LRRTM4: variants seen among roughly 807,000 people sequenced by gnomAD.
LRRTM4 encodes the protein leucine-rich repeat transmembrane neuronal protein 4.
Under a neutral mutation model 47.6 loss-of-function variants are expected in LRRTM4, and 25 were observed. That is an observed-to-expected ratio of 0.53 (90% CI 0.38 to 0.73). LRRTM4 has a LOEUF of 0.73. LRRTM4 is among the 30% of genes least tolerant of loss of function. The pLI, the probability that LRRTM4 is intolerant of heterozygous loss-of-function variation, is 0.00. For missense variants in LRRTM4, 638 were observed against 713.4 expected (o/e 0.89, Z 1.20); for synonymous variants, 311 against 269.5 (o/e 1.15, Z -1.51).
intron 3 of LRRTM4, among the ~76,000 whole-genome samples, chr2:76,961,321 C>T (rs1383803460): frequency 6.6e-6 from 1 of 151,034 alleles, no homozygotes; most frequent in Non-Finnish European, 1.5e-5. Context: ...TTATAATTCC[C>T]AACTGTTACA....
chr2:76,798,262 A>C (rs1478358993), intron 3 of LRRTM4, among the ~76,000 whole-genome samples: 1 of 152,204 alleles, frequency 6.6e-6, no homozygotes, highest in Non-Finnish European at 1.5e-5. Flanking sequence ...CTCAGACCAC[A>C]GTGCAATTAA....
intron 3 of LRRTM4, among the ~76,000 whole-genome samples, chr2:77,290,529 T>C (rs1050403399): frequency 6.6e-6 from 1 of 151,944 alleles, no homozygotes; most frequent in African/African-American, 2.4e-5. Context: ...TTATTGTATA[T>C]ATCAAAATAA....
intron 3 of LRRTM4, among the ~76,000 whole-genome samples, chr2:77,513,699 G>C (rs1679104588): frequency 6.6e-6 from 1 of 151,998 alleles, no homozygotes; most frequent in Non-Finnish European, 1.5e-5. Flanking sequence ...CCTAGTAACT[G>C]AGATTATAGC....
At chr2:76,961,394 T>C (rs1232971207) in intron 3 of LRRTM4, among the ~76,000 whole-genome samples, 4 of 149,314 alleles carry the variant, frequency 2.7e-5, no homozygotes, top group Non-Finnish European at 5.9e-5. Context: ...CCAATATTTT[T>C]ATACATCAAA....
chr2:77,081,324 C>A (rs952647851), intron 3 of LRRTM4, among the ~76,000 whole-genome samples: 28 of 149,232 alleles, frequency 1.9e-4, no homozygotes, highest in Admixed American at 9.4e-4. Flanking sequence ...AAATGTTTAA[C>A]CTTTAAAAGT....
intron 3 of LRRTM4, among the ~76,000 whole-genome samples, chr2:76,782,438 C>T (rs778189513): frequency 2.0e-5 from 3 of 152,136 alleles, no homozygotes; most frequent in East Asian, 3.8e-4. Context: ...TTAAGGTTTA[C>T]GATATTGCAC....
intron 3 of LRRTM4, among the ~76,000 whole-genome samples, chr2:77,095,467 CATT>C (rs960260289): frequency 2.0e-5 from 3 of 150,864 alleles, no homozygotes; most frequent in Admixed American, 6.6e-5. Context: ...TTCATGGTAA[CATT>C]ATTCATAATA....
intron 3 of LRRTM4, among the ~76,000 whole-genome samples, chr2:76,929,784 AAAT>A (rs1272726691): frequency 6.6e-6 from 1 of 152,180 alleles, no homozygotes; most frequent in African/African-American, 2.4e-5. Context: ...TCTGATTAAA[AAAT>A]AATGTTTCAA....
intron 3 of LRRTM4, among the ~76,000 whole-genome samples, chr2:76,906,414 G>A (rs533516573): frequency 6.4e-4 from 98 of 152,014 alleles, no homozygotes; most frequent in Non-Finnish European, 5.7e-4. Context: ...AAAGACCATC[G>A]AGACTAGGAA....
chr2:76,956,237 T>G (rs1675671167), intron 3 of LRRTM4, among the ~76,000 whole-genome samples: 1 of 151,696 alleles, frequency 6.6e-6, no homozygotes, highest in Admixed American at 6.6e-5. Context: ...ACTGGCATAA[T>G]GGCAAGTGTC....
intron 3 of LRRTM4, among the ~76,000 whole-genome samples, chr2:77,385,612 T>G (rs1014573598): frequency 3.3e-5 from 5 of 152,128 alleles, no homozygotes; most frequent in Non-Finnish European, 7.3e-5. Flanking sequence ...AAAATCACTT[T>G]AAAGCATCCT....
intron 3 of LRRTM4, among the ~76,000 whole-genome samples, chr2:77,332,973 G>C (rs148283651): frequency 1.2e-4 from 19 of 152,282 alleles, no homozygotes; most frequent in Non-Finnish European, 2.1e-4. Flanking sequence ...ACAGGGGCGG[G>C]TCTTTCCTGG....
chr2:76,823,328 GCAAT>G (rs1461649581), intron 3 of LRRTM4, among the ~76,000 whole-genome samples: 1 of 151,276 alleles, frequency 6.6e-6, no homozygotes, highest in Non-Finnish European at 1.5e-5. Flanking sequence ...TGCATAAAAA[GCAAT>G]CAGCCATGAA....
chr2:77,087,123 GT>G (rs1680744143), intron 3 of LRRTM4, among the ~76,000 whole-genome samples: 1 of 152,182 alleles, frequency 6.6e-6, no homozygotes, highest in Non-Finnish European at 1.5e-5. Context: ...CAAGAAGCTT[GT>G]TTGTTATGCA....
chr2:77,510,743 T>C (rs1955403), intron 3 of LRRTM4, among the ~76,000 whole-genome samples: 87,292 of 151,702 alleles, frequency 0.58, 25,770 homozygotes, highest in Non-Finnish European at 0.64. Context: ...ATGTTTATCT[T>C]AGTTTGTCTG....
chr2:77,460,543 C>T (rs1558753991), intron 3 of LRRTM4, among the ~76,000 whole-genome samples: 1 of 152,042 alleles, frequency 6.6e-6, no homozygotes, highest in Non-Finnish European at 1.5e-5. Flanking sequence ...TTAGTAATTC[C>T]TGACAACCAT....
intron 3 of LRRTM4, among the ~76,000 whole-genome samples, chr2:76,808,815 CT>C (rs1294208137): frequency 6.2e-5 from 8 of 128,198 alleles, no homozygotes; most frequent in African/African-American, 2.4e-4. Context: ...TGAGCATTTT[CT>C]GCTGAACTTT....
intron 3 of LRRTM4, among the ~76,000 whole-genome samples, chr2:77,338,760 A>C (rs960609939): frequency 6.6e-6 from 1 of 152,018 alleles, no homozygotes; most frequent in Non-Finnish European, 1.5e-5. Context: ...TATATACCCA[A>C]ATGAAAATAA....
chr2:77,040,642 T>C (rs1362258218), intron 3 of LRRTM4, among the ~76,000 whole-genome samples: 1 of 151,306 alleles, frequency 6.6e-6, no homozygotes, highest in Non-Finnish European at 1.5e-5. Context: ...TTTTCCAATA[T>C]ACAAGGCAGA....
Sources: allele counts gnomAD v4.1 joint callset (sites outside exome capture counted in the v4.1 genomes callset), GRCh38; gene constraint gnomAD v4.1.1; transcripts MANE v1.5; gene names NCBI Gene and HGNC (gene_info 2026-07-23, HGNC 2026-07-21).